The following MZF1 variants were observed in gnomAD, a reference collection of about 807,000 sequenced individuals.
MZF1 encodes zinc finger and SCAN domain-containing protein 6.
MZF1 carries 24 observed loss-of-function variants against 28.6 expected under a neutral mutation model. The observed-to-expected ratio is 0.84, with a 90% CI of 0.61 to 1.18. MZF1 has a LOEUF of 1.18. Ranked by LOEUF, MZF1 falls within the 50% of genes most tolerant of loss-of-function variation. The probability of loss-of-function intolerance (pLI) is 0.00; values close to 1 mark genes in which losing one functional copy is unlikely to be tolerated. For missense variants in MZF1, 1,166 were observed against 1,026.4 expected (o/e 1.14, Z -1.86); for synonymous variants, 516 against 432.5 (o/e 1.19, Z -2.40).
chr19:58,570,538 GC>G lies in MZF1; in HGVS notation c.397-12del. The G allele has an allele frequency of 6.2e-7, 1 of 1,608,230 alleles. No individual in the cohort carries two copies. Among genetic ancestry groups the G allele is most frequent in the Non-Finnish European group, 8.5e-7 (1 of 1,177,190 alleles). On this transcript the variant is annotated splice_polypyrimidine_tract_variant and intron_variant, in intron 2 of 5. Transcript: ENST00000215057. The stretch of plus-strand genomic sequence containing the variant: ...CACCTGGACTGTGACCTGGGGAGGT[GC>G]CCCCACCATCAGAAGTCCTACCAGA...
rs755714152 is a variant in MZF1, at chr19:58,569,589, A to G, written c.581-3T>C. On this transcript the variant is annotated splice_polypyrimidine_tract_variant and splice_region_variant and intron_variant, in intron 3 of 5. Coordinates refer to ENST00000215057, the MANE Select transcript of MZF1 (RefSeq NM_198055.2). Reference sequence around the variant, plus strand: ...TAGAGGCCCAGACTCCAGGAAATCTAGAGAGGAAAACTGGTATCAGGCAGC... The same window carrying G: ...TAGAGGCCCAGACTCCAGGAAATCTGGAGAGGAAAACTGGTATCAGGCAGC... The G allele has an allele frequency of 3.8e-6, 6 of 1,597,716 alleles. No homozygotes were observed. The highest frequency in any genetic ancestry group is 1.1e-5 in the South Asian group (1 of 89,386).
intron 3 of MZF1, 59 bp downstream of exon 3, chr19:58,570,285 G>A: frequency 6.6e-7 from 1 of 1,519,942 alleles, no homozygotes; most frequent in Non-Finnish European, 8.8e-7. Context: ...GACTGCTCAG[G>A]CCAGGTTCCC....
chr19:58,564,283 A>C (rs2053996835), intron 5 of MZF1: 1 of 152,242 alleles, frequency 6.6e-6, no homozygotes, highest in African/African-American at 2.4e-5. Flanking sequence ...AATACATCAA[A>C]GGAAATCAGC....
Position 58,571,196 on chromosome 19 carries a change from A to T in MZF1, c.194T>A (p.Leu65His). The T allele has an allele frequency of 6.2e-7, 1 of 1,613,036 alleles. No homozygotes were observed. The highest frequency in any genetic ancestry group is 8.5e-7 in the Non-Finnish European group (1 of 1,179,528). Residue 65 changes from leucine to histidine, a missense_variant, in exon 2 of 6, where the codon CTC becomes CAC. Transcript: ENST00000215057. ...ATGPQEALAQ[L>H]RELCRQWLRP... is the part of the protein sequence containing the mutation. ...CAGCCACTGGCGACACAGCTCTCGG[A>T]GCTGGGCCAGGGCCTCTTGGGGCCC...
chr19:58,571,573 CCA>C (rs1394156824), intron 1 of MZF1, 144 bp from the exon 2 acceptor site: 3 of 755,702 alleles, frequency 4.0e-6, no homozygotes, highest in Non-Finnish European at 6.2e-6. Context: ...CATCTACAAC[CCA>C]CAGACTTATG....
In MZF1 at chr19:58,563,417, C is replaced by A; in HGVS notation, c.860G>T (p.Gly287Val). The change falls in exon 6 of 6, where the codon GGC becomes GTC. Residue 287 changes from glycine (G) to valine (V), a missense_variant. Physicochemically the swap from Gly to Val is moderately radical, Grantham distance 109 (BLOSUM62 -3). Coordinates refer to ENST00000215057, the MANE Select transcript of MZF1 (RefSeq NM_198055.2). ...LHVPWDLGMAGLSGQIQSPSR... is the reference protein window; with the variant it reads ...LHVPWDLGMAVLSGQIQSPSR... ...GGGTGATTGGATCTGGCCAGAAAGG[C>A]CAGCCATGCCGAGGTCCCAGGGGAC... The A allele has an allele frequency of 2.5e-6, 4 of 1,592,930 alleles. No individual in the cohort carries two copies. The highest frequency in any genetic ancestry group is 3.4e-6 in the Non-Finnish European group (4 of 1,169,760).
chr19:58,569,246 GC>G (rs776439382), intron 5 of MZF1, 30 bp downstream of exon 5: 1 of 1,564,190 alleles, frequency 6.4e-7, no homozygotes, highest in African/African-American at 1.4e-5. Context: ...CATGCGGAAG[GC>G]CTAGTCCCAC....
rs763037312 is a variant in MZF1, at chr19:58,562,413, C to T, written c.1864G>A (p.Glu622Lys). The T allele has an allele frequency of 5.0e-6, 8 of 1,609,786 alleles. No homozygotes were observed. In the East Asian group the frequency reaches 1.8e-4, roughly 36 times the overall value. Reference protein sequence around the residue: ...LTRHQRTHTGEKPYHCGECGL... With the variant: ...LTRHQRTHTGKKPYHCGECGL... ...CACTCACCGCAGTGGTAGGGCTTTTCGCCGGTGTGTGTCCTCTGATGACGC... is the reference window on the plus strand; with the variant it reads ...CACTCACCGCAGTGGTAGGGCTTTTTGCCGGTGTGTGTCCTCTGATGACGC... Residue 622 changes from glutamate to lysine, a missense_variant, in exon 6 of 6, where the codon GAA becomes AAA. Physicochemically the swap from Glu to Lys is moderately conservative, Grantham distance 56. Transcript: ENST00000215057.
intron 2 of MZF1, 123 bp from the exon 3 acceptor site, chr19:58,570,650 T>A: frequency 9.1e-7 from 1 of 1,102,490 alleles, no homozygotes; most frequent in Non-Finnish European, 1.3e-6. Context: ...ACCTACTGAC[T>A]AGGTCCTCCA....
Position 58,562,979 on chromosome 19 carries a change from A to T in MZF1, c.1298T>A (p.Val433Glu). 6.2e-7 allele frequency: 1 copy of T among 1,601,834 alleles called. No homozygotes were observed. The highest frequency in any genetic ancestry group is 8.5e-7 in the Non-Finnish European group (1 of 1,179,566). Residue 433 changes from valine (V) to glutamate (E), a missense_variant, in exon 6 of 6, where the codon GTG (valine) becomes GAG (glutamate). Transcript: ENST00000215057. ...ACGGAAAGGCTGTTCGCCCGTGTGCACTCTCCGATGCTCTTCCAGGCGCGC... is the reference window on the plus strand; with the variant it reads ...ACGGAAAGGCTGTTCGCCCGTGTGCTCTCTCCGATGCTCTTCCAGGCGCGC... ...RSARLEEHRR[V>E]HTGEQPFRCA... is the part of the protein sequence containing the mutation.
Position 58,562,035 on chromosome 19 carries a change from T to C in MZF1, c.*37A>G. 1 of 1,536,650 alleles carries C rather than the reference T, an allele frequency of 6.5e-7. No homozygotes were observed. Among genetic ancestry groups the C allele is most frequent in the South Asian group, 1.2e-5 (1 of 83,728 alleles). On this transcript the variant is annotated 3_prime_UTR_variant, in exon 6 of 6. Transcript: ENST00000215057. ...TCACAATAACCAGGGGAGGTAGGTG[T>C]TCTGACCATGGCGGACACAGTGCGT...
Position 58,562,671 on chromosome 19 carries a change from T to C in MZF1, c.1606A>G (p.Ser536Gly). The C allele has an allele frequency of 1.3e-6, 2 of 1,541,332 alleles. No homozygotes were observed. The highest frequency in any genetic ancestry group is 1.7e-6 in the Non-Finnish European group (2 of 1,149,620). Residue 536 changes from serine (S) to glycine (G), a missense_variant, in exon 6 of 6, where the codon AGT becomes GGT. By Grantham distance (56) the Ser-to-Gly change is moderately conservative. Coordinates refer to ENST00000215057, the MANE Select transcript of MZF1 (RefSeq NM_198055.2). ...GCACAGGCGAAGGGCCGCTCGCCAC[T>C]GTGCACGCGCCGGTGCTGCAGCAGC... ...SVLLQHRRVHSGERPFACAEC... is the reference protein window; with the variant it reads ...SVLLQHRRVHGGERPFACAEC...
chr19:58,572,892 G>A (rs2054192508), intron 1 of MZF1, 163 bp downstream of exon 1: 1 of 296,618 alleles, frequency 3.4e-6, no homozygotes. Context: ...GCAACGAGTA[G>A]TGATTGACAA....
chr19:58,567,149 C>A (rs1026226205), intron 5 of MZF1, among the ~76,000 whole-genome samples: 1 of 152,166 alleles, frequency 6.6e-6, no homozygotes, highest in Non-Finnish European at 1.5e-5. Context: ...CTCAAACAAT[C>A]CACCTGCCTC....
Position 58,562,532 on chromosome 19 carries a change from G to C in MZF1, c.1745C>G (p.Pro582Arg), listed in dbSNP as rs768838421. ...AECGKAFRQR[P>R]TLTQHLRVHT... ...TACGCGGAGATGCTGCGTGAGCGTA[G>C]GCCGCTGGCGGAAGGCCTTGCCACA... The change falls in exon 6 of 6, where the codon CCT becomes CGT. Residue 582 changes from proline (P) to arginine (R), a missense_variant. Pro to Arg is a moderately radical substitution (Grantham distance 103, BLOSUM62 -2). Transcript: ENST00000215057. The C allele has an allele frequency of 2.5e-6, 4 of 1,608,420 alleles. No individual in the cohort carries two copies. Among genetic ancestry groups the C allele is most frequent in the Middle Eastern group, 1.7e-4 (1 of 6,052 alleles).
Position 58,569,341 on chromosome 19 carries a change from A to T in MZF1, c.708T>A (p.Gly236=). 6.2e-7 allele frequency: 1 copy of T among 1,613,526 alleles called. No individual in the cohort carries two copies. The highest frequency in any genetic ancestry group is 8.5e-7 in the Non-Finnish European group (1 of 1,179,794). The change falls in exon 5 of 6, where the codon GGT becomes GGA. Residue 236 remains glycine (G), a synonymous_variant. Transcript: ENST00000215057. ...IFPHSKTGPE[G]PSWREHPRAL... is the part of the protein sequence containing the mutation. ...CCCTGGGGTGCTCCCTCCATGAGGG[A>T]CCCTCAGGCCCAGTCTTGCTGTGGG...
chr19:58,572,917 C>T, intron 1 of MZF1, 138 bp downstream of exon 1: 1 of 250,896 alleles, frequency 4.0e-6, no homozygotes, highest in Non-Finnish European at 8.4e-6. Flanking sequence ...CTCGCTCTAG[C>T]CCTGGGCGCT....
Position 58,562,525 on chromosome 19 carries a change from G to A in MZF1, c.1752C>T (p.Leu584=). ...CGKAFRQRPT[L]TQHLRVHTGE... The stretch of plus-strand genomic sequence containing the variant: ...CCGTGTGTACGCGGAGATGCTGCGT[G>A]AGCGTAGGCCGCTGGCGGAAGGCCT... Residue 584 remains leucine, a synonymous_variant, in exon 6 of 6, where the codon CTC becomes CTT. Transcript: ENST00000215057. The A allele has an allele frequency of 6.2e-7, 1 of 1,609,306 alleles. No homozygotes were observed. The highest frequency in any genetic ancestry group is 8.5e-7 in the Non-Finnish European group (1 of 1,178,720).
chr19:58,570,743 A>G, intron 2 of MZF1: 2 of 657,160 alleles, frequency 3.0e-6, no homozygotes, highest in East Asian at 5.5e-5. Flanking sequence ...GTGGCCTTCC[A>G]GTACCTTCCC....
Sources: allele counts gnomAD v4.1 joint callset (sites outside exome capture counted in the v4.1 genomes callset), GRCh38; gene constraint gnomAD v4.1.1; transcripts MANE v1.5; gene names NCBI Gene and HGNC (gene_info 2026-07-23, HGNC 2026-07-21).